ZNF385D: variants seen among roughly 807,000 people sequenced by gnomAD.
ZNF385D encodes zinc finger protein 385D.
Under a neutral mutation model 35.8 loss-of-function variants are expected in ZNF385D, and 15 were observed. The observed-to-expected ratio is 0.42, with a 90% CI of 0.28 to 0.64. ZNF385D has a LOEUF of 0.64. ZNF385D is among the 30% of genes least tolerant of loss of function. ZNF385D has a pLI of 0.23. For missense variants in ZNF385D, 474 were observed against 494.6 expected, an observed-to-expected ratio of 0.96 and a Z score of 0.39; for synonymous variants, 212 against 186.8, an observed-to-expected ratio of 1.13 and a Z score of -1.10.
Position 21,586,076 on chromosome 3 carries a change from C to T in ZNF385D, c.166-21392G>A, listed in dbSNP as rs543485948. On this transcript the variant is annotated intron_variant, in intron 2 of 7. Transcript: ENST00000281523. Reference sequence around the variant, plus strand: ...ACACACACATTTGGGCATGGTGGCACGCACCTGTAGGCCCAACTACTTGAA... The same window carrying T: ...ACACACACATTTGGGCATGGTGGCATGCACCTGTAGGCCCAACTACTTGAA... Among the ~76,000 whole-genome samples, 9 of 152,110 alleles carry T rather than the reference C, an allele frequency of 5.9e-5. No homozygotes were observed. In the South Asian group the frequency reaches 8.3e-4, roughly 14 times the overall value.
At chr3:22,192,362 T>C (rs1559442142) in intron 2 of ZNF385D, among the ~76,000 whole-genome samples, 1 of 152,170 alleles carries the variant, frequency 6.6e-6, no homozygotes, top group African/African-American at 2.4e-5. Context: ...TCTAAGATTG[T>C]TCCTACTGAA....
intron 2 of ZNF385D, among the ~76,000 whole-genome samples, chr3:22,171,190 C>T (rs1380669053): frequency 6.6e-6 from 1 of 152,104 alleles, no homozygotes; most frequent in African/African-American, 2.4e-5. Context: ...TTAGGTTTGC[C>T]AGAATTAGGC....
chr3:22,200,532 C>G (rs945350453), intron 2 of ZNF385D, among the ~76,000 whole-genome samples: 1 of 152,030 alleles, frequency 6.6e-6, no homozygotes, highest in African/African-American at 2.4e-5. Flanking sequence ...TACCACAGGA[C>G]CACGGTGAAA....
Position 21,969,979 on chromosome 3 carries a change from G to T in ZNF385D, c.325+198838C>A, listed in dbSNP as rs1055939160. Among the ~76,000 whole-genome samples, 16 of 152,270 alleles carry T rather than the reference G, an allele frequency of 1.1e-4. No homozygotes were observed. The South Asian group carries it at 3.1e-3, about 30-fold the overall frequency. On this transcript the variant is annotated intron_variant, in intron 3 of 5. Coordinates refer to the ZNF385D transcript ENST00000494108. ...TCCAATCCAGTATCTCTATAAGTCT[G>T]CAAGAGTTACTGTGTTATTGAGCTT... is the stretch of plus-strand genomic sequence containing the variant.
At position 22,036,941 on chromosome 3, in the gene ZNF385D, C is replaced by A. The variant is rs1420852143; in HGVS notation, c.325+131876G>T. On this transcript the variant is annotated intron_variant, in intron 3 of 5. Coordinates refer to the ZNF385D transcript ENST00000494108. ...TGTGTTCTCATTGTTCAATTCCCACCTATGAGTGAGAACATGTGGTGTTTG... is the reference window on the plus strand; with the variant it reads ...TGTGTTCTCATTGTTCAATTCCCACATATGAGTGAGAACATGTGGTGTTTG... Among the ~76,000 whole-genome samples the A allele has an allele frequency of 6.7e-5, 10 of 148,958 alleles. No individual in the cohort carries two copies. The East Asian group carries it at 1.8e-3, about 27-fold the overall frequency.
At chr3:22,248,971 C>A (rs1257375535) in intron 2 of ZNF385D, among the ~76,000 whole-genome samples, 1 of 152,118 alleles carries the variant, frequency 6.6e-6, no homozygotes, top group African/African-American at 2.4e-5. Context: ...CAGGAGAGGT[C>A]ACCTGTAAGT....
intron 2 of ZNF385D, among the ~76,000 whole-genome samples, chr3:22,185,713 G>T (rs962770268): frequency 6.6e-6 from 1 of 152,116 alleles, no homozygotes; most frequent in African/African-American, 2.4e-5. Flanking sequence ...TGATCCACCC[G>T]CCTTGGCCTT....
At chr3:21,502,804 T>A (rs1012728) in intron 4 of ZNF385D, among the ~76,000 whole-genome samples, 1 of 152,056 alleles carries the variant, frequency 6.6e-6, no homozygotes, top group Non-Finnish European at 1.5e-5. Flanking sequence ...ATAAAATCTC[T>A]TTCTTTGACC....
chr3:21,835,571 C>T (rs1695281329), intron 3 of ZNF385D, among the ~76,000 whole-genome samples: 1 of 150,034 alleles, frequency 6.7e-6, no homozygotes, highest in Non-Finnish European at 1.5e-5. Context: ...GATAAAGGCA[C>T]AAATAATAAA....
chr3:21,901,776 A>T lies in ZNF385D; in HGVS notation c.326-236748T>A, dbSNP rs79798871. Among the ~76,000 whole-genome samples the T allele has an allele frequency of 1.4e-3, 213 of 152,322 alleles. 1 individual carries two copies. Among genetic ancestry groups the T allele is most frequent in the African/African-American group, 4.8e-3 (200 of 41,590 alleles). On this transcript the variant is annotated intron_variant, in intron 3 of 5. Transcript: ENST00000494108. ...GAAAGCTATAAATGTGACAAGTATT[A>T]GGGGATAAGTTGGTACAGGAAGACC...
intron 3 of ZNF385D, among the ~76,000 whole-genome samples, chr3:21,781,161 T>C (rs1312060815): frequency 1.3e-5 from 2 of 151,626 alleles, no homozygotes; most frequent in East Asian, 1.9e-4. Context: ...CTTTAGAAAA[T>C]GAAAAGTATA....
chr3:22,132,594 C>A (rs1006133053), intron 3 of ZNF385D, among the ~76,000 whole-genome samples: 2 of 151,920 alleles, frequency 1.3e-5, no homozygotes, highest in African/African-American at 2.4e-5. Flanking sequence ...TACTATAAGA[C>A]CAATGTTTCA....
intron 2 of ZNF385D, among the ~76,000 whole-genome samples, chr3:22,282,593 G>A (rs1423005791): frequency 2.0e-5 from 3 of 151,982 alleles, no homozygotes; most frequent in African/African-American, 7.2e-5. Flanking sequence ...TGGTCTGAGA[G>A]AGTATTTGCT....
intron 2 of ZNF385D, among the ~76,000 whole-genome samples, chr3:22,236,779 G>C (rs1192523740): frequency 6.6e-6 from 1 of 152,090 alleles, no homozygotes; most frequent in Non-Finnish European, 1.5e-5. Flanking sequence ...TTTATGCTGG[G>C]CATTTTATAT....
At chr3:22,270,701 T>G (rs1701129438) in intron 2 of ZNF385D, among the ~76,000 whole-genome samples, 1 of 151,964 alleles carries the variant, frequency 6.6e-6, no homozygotes, top group Admixed American at 6.6e-5. Flanking sequence ...CCTAGATGAT[T>G]TGTGCTTTTT....
chr3:22,050,701 AT>A (rs1210614854), intron 3 of ZNF385D, among the ~76,000 whole-genome samples: 1 of 152,170 alleles, frequency 6.6e-6, no homozygotes, highest in Non-Finnish European at 1.5e-5. Context: ...TAATGAGTTA[AT>A]TTCTCCGATT....
intron 3 of ZNF385D, among the ~76,000 whole-genome samples, chr3:21,941,310 C>G (rs1701503944): frequency 6.7e-6 from 1 of 148,728 alleles, no homozygotes; most frequent in Non-Finnish European, 1.5e-5. Flanking sequence ...CATTCTCTGA[C>G]AAAAATATTA....
chr3:21,979,689 G>T, intron 3 of ZNF385D: 1 of 152,170 alleles, frequency 6.6e-6, no homozygotes, highest in East Asian at 1.9e-4. Flanking sequence ...TCTCAGCAGA[G>T]ATGCTGAAAA....
intron 1 of ZNF385D, among the ~76,000 whole-genome samples, chr3:21,724,180 C>T (rs1559554164): frequency 6.6e-6 from 1 of 152,030 alleles, no homozygotes; most frequent in Non-Finnish European, 1.5e-5. Context: ...GCATCCAGTA[C>T]CAGCCACTGC....
Sources: allele counts gnomAD v4.1 joint callset (sites outside exome capture counted in the v4.1 genomes callset), GRCh38; gene constraint gnomAD v4.1.1; transcripts MANE v1.5; gene names NCBI Gene and HGNC (gene_info 2026-07-23, HGNC 2026-07-21).